The following TASP1 variants were observed in gnomAD, a reference collection of about 807,000 sequenced individuals.
TASP1 encodes the protein threonine aspartase 1.
In TASP1, 16 loss-of-function variants were observed where a neutral mutation model predicts 56.6. The ratio of observed to expected loss-of-function variants is 0.28; its 90% CI spans 0.19 to 0.43. The LOEUF (loss-of-function observed/expected upper bound fraction) is 0.43. Among genes scored for constraint, TASP1 ranks in the 20% least tolerant of loss-of-function variants. TASP1 has a pLI of 1.00. For synonymous variants in TASP1, 179 were observed against 184.2 expected, an observed-to-expected ratio of 0.97 and a Z score of 0.23; for missense variants, 393 against 511.6, an observed-to-expected ratio of 0.77 and a Z score of 2.24.
At chr20:13,442,439 T>C (rs1419762538) in intron 11 of TASP1, among the ~76,000 whole-genome samples, 1 of 151,914 alleles carries the variant, frequency 6.6e-6, no homozygotes, top group Non-Finnish European at 1.5e-5. Flanking sequence ...TTCAAGACCG[T>C]CTTGGTCTTG....
rs564958646 is a variant in TASP1, at chr20:13,393,440, T to C, written c.1171-2988A>G. 103 of 777,226 alleles carry C rather than the reference T, an allele frequency of 1.3e-4. 1 individual carries two copies. The African/African-American group carries it at 1.6e-3, about 12-fold the overall frequency. 48.1% of individuals were successfully genotyped at this position (777,226 alleles called of 1,614,324 possible). ...GTCTGGAGAAACCTGCCAAATATGA[T>C]GATATCAAGAAGGTGGTGAAGCAGG... is the stretch of plus-strand genomic sequence containing the variant. On this transcript the variant is annotated intron_variant, in intron 13 of 13. Coordinates refer to ENST00000337743, the MANE Select transcript of TASP1 (RefSeq NM_017714.3).
intron 1 of TASP1, among the ~76,000 whole-genome samples, chr20:13,631,804 C>T (rs1173872975): frequency 2.0e-5 from 3 of 152,198 alleles, no homozygotes; most frequent in Admixed American, 6.5e-5. Context: ...CGGTGGCTCA[C>T]GCCTGTAATC....
chr20:13,155,050 G>A, the TASP1 span, among the ~76,000 whole-genome samples: 1 of 151,944 alleles, frequency 6.6e-6, no homozygotes, highest in Non-Finnish European at 1.5e-5. Context: ...GCATGGTGGT[G>A]CATGCCTGTA....
At chr20:13,401,000 C>T (rs188118596) in intron 13 of TASP1, among the ~76,000 whole-genome samples, 12 of 152,212 alleles carry the variant, frequency 7.9e-5, no homozygotes, top group South Asian at 2.1e-4. Context: ...ATCTACAACA[C>T]GGGTTAGTCT....
intron 5 of TASP1, among the ~76,000 whole-genome samples, chr20:13,584,220 A>C (rs1297748811): frequency 6.6e-6 from 1 of 152,246 alleles, no homozygotes; most frequent in Non-Finnish European, 1.5e-5. Context: ...AAAAAAATGC[A>C]TTCAAGAGGT....
At chr20:13,282,604 G>A in the TASP1 span, among the ~76,000 whole-genome samples, 1 of 152,162 alleles carries the variant, frequency 6.6e-6, no homozygotes, top group Non-Finnish European at 1.5e-5. Context: ...TCAGGAGCTC[G>A]TAGCATGCCT....
At chr20:13,521,906 T>C (rs2044775710) in intron 10 of TASP1, among the ~76,000 whole-genome samples, 1 of 152,098 alleles carries the variant, frequency 6.6e-6, no homozygotes, top group African/African-American at 2.4e-5. Context: ...ACAGGAAATG[T>C]TGGCTGAAGG....
chr20:13,391,967 CAAAA>C (rs36124207), intron 13 of TASP1, among the ~76,000 whole-genome samples: 2 of 71,870 alleles, frequency 2.8e-5, no homozygotes. Flanking sequence ...GACTCCGTCT[CAAAA>C]AAAAAAAAAA....
chr20:13,182,248 A>G, the TASP1 span, among the ~76,000 whole-genome samples: 1 of 152,348 alleles, frequency 6.6e-6, no homozygotes, highest in South Asian at 2.1e-4. Context: ...GTAATCAAAT[A>G]TATAGATATG....
the TASP1 span, among the ~76,000 whole-genome samples, chr20:13,180,596 T>C: frequency 3.3e-5 from 5 of 152,178 alleles, no homozygotes; most frequent in African/African-American, 9.7e-5. Context: ...ACCATCATTT[T>C]TGAGTCTGGC....
At chr20:13,187,474 G>A in the TASP1 span, among the ~76,000 whole-genome samples, 1 of 151,808 alleles carries the variant, frequency 6.6e-6, no homozygotes, top group African/African-American at 2.4e-5. Flanking sequence ...AGAAGGCCGG[G>A]CGCAGTGGCT....
chr20:13,186,425 A>G, the TASP1 span, among the ~76,000 whole-genome samples: 1 of 152,196 alleles, frequency 6.6e-6, no homozygotes, highest in Non-Finnish European at 1.5e-5. Context: ...CCAACAGTGG[A>G]CATGACCCTA....
the TASP1 span, among the ~76,000 whole-genome samples, chr20:13,348,731 A>C: frequency 6.6e-6 from 1 of 152,178 alleles, no homozygotes; most frequent in South Asian, 2.1e-4. Flanking sequence ...CAGGACTTCC[A>C]GACATGGAAC....
chr20:13,576,509 A>C (rs1180606371), intron 6 of TASP1, among the ~76,000 whole-genome samples: 1 of 152,132 alleles, frequency 6.6e-6, no homozygotes, highest in Non-Finnish European at 1.5e-5. Context: ...CTGACAATGA[A>C]CAGTTGGAAA....
At chr20:13,104,878 T>A in the TASP1 span, among the ~76,000 whole-genome samples, 33,326 of 152,038 alleles carry the variant, frequency 0.22, 3,723 homozygotes, top group East Asian at 0.28. Flanking sequence ...GAACTTTTTT[T>A]AACAAAACTT....
At position 13,521,574 on chromosome 20, in the gene TASP1, T is replaced by C. The variant is rs1388125520; in HGVS notation, c.874+6859A>G. Among the ~76,000 whole-genome samples, 20 of 146,776 alleles carry C rather than the reference T, an allele frequency of 1.4e-4. 1 individual carries two copies. The highest frequency in any genetic ancestry group is 1.3e-3 in the Admixed American group (19 of 14,104). On this transcript the variant is annotated intron_variant, in intron 10 of 13. Coordinates refer to ENST00000337743, the MANE Select transcript of TASP1 (RefSeq NM_017714.3). ...GCATGTTCTCACTCATAGGTGGGAATTGAACAATGAGAACACATGGACACA... is the reference window on the plus strand; with the variant it reads ...GCATGTTCTCACTCATAGGTGGGAACTGAACAATGAGAACACATGGACACA...
intron 4 of TASP1, among the ~76,000 whole-genome samples, chr20:13,607,990 T>C (rs2048218535): frequency 6.6e-6 from 1 of 151,952 alleles, no homozygotes; most frequent in Admixed American, 6.6e-5. Flanking sequence ...AAAAGAAAAA[T>C]CATTTTAATT....
intron 10 of TASP1, among the ~76,000 whole-genome samples, chr20:13,526,685 G>A (rs1601125552): frequency 6.6e-6 from 1 of 152,244 alleles, no homozygotes; most frequent in South Asian, 2.1e-4. Flanking sequence ...GCAAGAAATG[G>A]AGCTAGGTCA....
At chr20:13,209,231 AG>A in the TASP1 span, among the ~76,000 whole-genome samples, 12 of 152,322 alleles carry the variant, frequency 7.9e-5, no homozygotes, top group African/African-American at 2.9e-4. Context: ...GCTGACCTGC[AG>A]ATTTGTAAGT....
Sources: gnomAD v4.1 joint callset for allele counts (sites outside exome capture counted in the v4.1 genomes callset) on GRCh38, gnomAD v4.1.1 for gene constraint, MANE v1.5 for transcripts, NCBI Gene and HGNC (gene_info 2026-07-23, HGNC 2026-07-21) for gene names.